Variants in ZNF704 observed in about 807,000 individuals in gnomAD.
ZNF704 encodes the protein zinc finger protein 704, also known as glucocorticoid induced gene 1.
ZNF704 carries 10 observed loss-of-function variants against 44.7 expected under a neutral mutation model. The observed-to-expected ratio is 0.22, with a 90% confidence interval of 0.14 to 0.38. The LOEUF is 0.38. Among genes scored for constraint, ZNF704 ranks in the 10% least tolerant of loss-of-function variants. The probability of loss-of-function intolerance (pLI) is 1.00; values close to 1 mark genes in which losing one functional copy is unlikely to be tolerated. For synonymous variants in ZNF704, 211 were observed against 207.6 expected (o/e 1.02, Z -0.14); for missense variants, 390 against 545.5 (o/e 0.71, Z 2.84).
intron 2 of ZNF704, among the ~76,000 whole-genome samples, chr8:80,741,106 A>T (rs1806748011): frequency 6.6e-6 from 1 of 152,250 alleles, no homozygotes; most frequent in South Asian, 2.1e-4. Flanking sequence ...CAAAACCCTA[A>T]AGCAACTAAG....
At chr8:80,872,426 G>C (rs1809268122) in intron 1 of ZNF704, among the ~76,000 whole-genome samples, 2 of 152,134 alleles carry the variant, frequency 1.3e-5, no homozygotes, top group Non-Finnish European at 2.9e-5. Context: ...AAGCTTTGAG[G>C]AGCTTTTTTT....
At position 80,678,002 on chromosome 8, in the gene ZNF704, T is replaced by C. The variant is rs73271044; in HGVS notation, c.559-7399A>G. Among the ~76,000 whole-genome samples, 852 of 152,298 alleles carry C rather than the reference T, an allele frequency of 5.6e-3. 10 individuals carry two copies. The highest frequency in any genetic ancestry group is 0.019 in the African/African-American group (807 of 41,552). ...GATGCCCTGCATTGTGAGGATTGAA[T>C]TATAAGATGGTTTTCTCTTCACTTT... On this transcript the variant is annotated intron_variant, in intron 4 of 8. Transcript: ENST00000327835.
At chr8:80,713,070 T>C (rs1381258802) in intron 2 of ZNF704, among the ~76,000 whole-genome samples, 4 of 152,022 alleles carry the variant, frequency 2.6e-5, no homozygotes, top group African/African-American at 7.2e-5. Context: ...TAATTTTTTA[T>C]ATTTTCAGTA....
At chr8:80,765,140 G>A (rs1014534333) in intron 2 of ZNF704, among the ~76,000 whole-genome samples, 8 of 152,120 alleles carry the variant, frequency 5.3e-5, no homozygotes, top group African/African-American at 1.7e-4. Flanking sequence ...GGCCTTGGGG[G>A]GGCCACTGGT....
At chr8:80,693,657 T>C (rs145599877) in intron 2 of ZNF704, among the ~76,000 whole-genome samples, 45 of 152,118 alleles carry the variant, frequency 3.0e-4, no homozygotes, top group African/African-American at 8.9e-4. Flanking sequence ...GGCAGGGAAG[T>C]ACATCCCAAG....
At chr8:80,666,776 T>G (rs1343718932) in intron 5 of ZNF704, among the ~76,000 whole-genome samples, 4 of 150,334 alleles carry the variant, frequency 2.7e-5, no homozygotes, top group Non-Finnish European at 4.4e-5. Flanking sequence ...TTGAGAAGTG[T>G]CTGTTCATGT....
chr8:80,703,407 C>T (rs573281048), intron 2 of ZNF704, among the ~76,000 whole-genome samples: 1 of 152,110 alleles, frequency 6.6e-6, no homozygotes, highest in East Asian at 1.9e-4. Flanking sequence ...CCTCCCCATG[C>T]GAAGATCAGG....
chr8:80,840,359 G>A (rs367850822), intron 1 of ZNF704, among the ~76,000 whole-genome samples: 5 of 152,096 alleles, frequency 3.3e-5, no homozygotes, highest in Admixed American at 6.6e-5. Flanking sequence ...ATCAGCTATC[G>A]TCAATGTTAG....
intron 1 of ZNF704, among the ~76,000 whole-genome samples, chr8:80,852,018 C>T (rs1457505505): frequency 6.6e-6 from 1 of 152,058 alleles, no homozygotes; most frequent in Non-Finnish European, 1.5e-5. Flanking sequence ...AAGGGTGGAA[C>T]GAACTTTTCT....
intron 2 of ZNF704, among the ~76,000 whole-genome samples, chr8:80,722,788 G>A (rs189367455): frequency 0.012 from 1,753 of 151,212 alleles, 18 homozygotes; most frequent in Non-Finnish European, 0.018. Flanking sequence ...GGGAAGAGTG[G>A]GTTCTCTTTG....
chr8:80,782,912 C>CA (rs1350414112), intron 2 of ZNF704, among the ~76,000 whole-genome samples: 4 of 151,966 alleles, frequency 2.6e-5, no homozygotes, highest in Non-Finnish European at 5.9e-5. Context: ...GGAACCCGCC[C>CA]ATATGGAGTG....
chr8:80,712,176 G>A (rs1818997486), intron 2 of ZNF704, among the ~76,000 whole-genome samples: 1 of 152,152 alleles, frequency 6.6e-6, no homozygotes, highest in South Asian at 2.1e-4. Context: ...GGGTTCCTGA[G>A]GAAAAGGACG....
intron 1 of ZNF704, among the ~76,000 whole-genome samples, chr8:80,831,215 A>T (rs781355500): frequency 2.0e-5 from 3 of 152,244 alleles, no homozygotes; most frequent in Middle Eastern, 3.4e-3. Context: ...TGTGTATTAA[A>T]CCCTAAACAC....
At chr8:80,670,456 A>G (rs375930584) in intron 5 of ZNF704, 47 bp downstream of exon 5, 274 of 1,423,574 alleles carry the variant, frequency 1.9e-4, no homozygotes, top group Admixed American at 3.9e-4. Context: ...GGGTGGCCCT[A>G]GACTGAGCAG....
chr8:80,670,644 T>G, intron 4 of ZNF704, 41 bp from the exon 5 acceptor site: 3 of 1,374,530 alleles, frequency 2.2e-6, no homozygotes, highest in Non-Finnish European at 3.1e-6. Flanking sequence ...GAAACTATTT[T>G]CTAACAACAT....
In ZNF704 at chr8:80,762,462, C is replaced by T. The variant is rs1391924146; in HGVS notation, c.221+58912G>A. ...ACTGAAGTGCAAGCAGAGGAAATGC[C>T]AGATGCTTATAAAACCATCAGATCT... On this transcript the variant is annotated intron_variant, in intron 2 of 8. Coordinates refer to ENST00000327835, the MANE Select transcript of ZNF704 (RefSeq NM_001033723.3). Among the ~76,000 whole-genome samples the T allele has an allele frequency of 2.6e-5, 4 of 152,090 alleles. No homozygotes were observed. The South Asian group carries it at 8.3e-4, about 32-fold the overall frequency.
chr8:80,736,015 T>C (rs973800960), intron 2 of ZNF704, among the ~76,000 whole-genome samples: 4 of 152,212 alleles, frequency 2.6e-5, no homozygotes, highest in Non-Finnish European at 1.5e-5. Flanking sequence ...TGTCTACAAA[T>C]AGTATGCTTC....
chr8:80,701,917 G>A (rs887411426), intron 2 of ZNF704, among the ~76,000 whole-genome samples: 1 of 152,156 alleles, frequency 6.6e-6, no homozygotes, highest in African/African-American at 2.4e-5. Context: ...CTCTTAAAGA[G>A]CTTGGCCATG....
intron 2 of ZNF704, among the ~76,000 whole-genome samples, chr8:80,741,492 G>C (rs73692119): frequency 6.6e-6 from 1 of 151,892 alleles, no homozygotes; most frequent in Admixed American, 6.6e-5. Flanking sequence ...CTTAGCCTCC[G>C]AAGCAGTTAA....
Sources: allele counts gnomAD v4.1 joint callset (sites outside exome capture counted in the v4.1 genomes callset), GRCh38; gene constraint gnomAD v4.1.1; transcripts MANE v1.5; gene names NCBI Gene and HGNC (gene_info 2026-07-23, HGNC 2026-07-21).